The following ADGRV1 variants were observed in gnomAD, a reference collection of about 807,000 sequenced individuals.
ADGRV1 encodes the protein G-protein coupled receptor 98.
A neutral mutation model predicts 596.2 loss-of-function variants in ADGRV1; 359 were observed. The ratio of observed to expected loss-of-function variants is 0.60; its 90% CI spans 0.55 to 0.66. The LOEUF is 0.66. Ranked by LOEUF, ADGRV1 falls within the 30% of genes least tolerant of loss-of-function variation. ADGRV1 has a pLI of 0.00. For missense variants in ADGRV1, 7,274 were observed against 7,575.6 expected (o/e 0.96, Z 1.48); for synonymous variants, 2,681 against 2,679.2 (o/e 1.00, Z -0.02).
At chr5:91,045,849 A>C (rs1198202506) in intron 85 of ADGRV1, among the ~76,000 whole-genome samples, 2 of 152,202 alleles carry the variant, frequency 1.3e-5, no homozygotes, top group African/African-American at 4.8e-5. Flanking sequence ...ATTAATGTAC[A>C]CAAATCAGTA....
chr5:90,856,720 C>G (rs1403816444), intron 82 of ADGRV1, among the ~76,000 whole-genome samples: 2 of 152,092 alleles, frequency 1.3e-5, no homozygotes, highest in Non-Finnish European at 1.5e-5. Flanking sequence ...GGTTCAAATC[C>G]TAATTATGCT....
chr5:90,970,286 C>G (rs1265319135), intron 84 of ADGRV1, among the ~76,000 whole-genome samples: 1 of 152,188 alleles, frequency 6.6e-6, no homozygotes, highest in Non-Finnish European at 1.5e-5. Context: ...TCTGCAGACT[C>G]CACCTCTGGG....
chr5:90,684,548 A>G (rs6880239), intron 28 of ADGRV1, among the ~76,000 whole-genome samples: 48,013 of 151,950 alleles, frequency 0.32, 8,103 homozygotes, highest in Admixed American at 0.47. Context: ...TAGAAACAAC[A>G]GACATTTTTC....
At chr5:90,631,543 A>G (rs1014204208) in intron 9 of ADGRV1, among the ~76,000 whole-genome samples, 1 of 152,054 alleles carries the variant, frequency 6.6e-6, no homozygotes, top group African/African-American at 2.4e-5. Context: ...CTTCATCTTT[A>G]TTATTATTAA....
At chr5:91,035,190 CT>C (rs1184384597) in intron 85 of ADGRV1, among the ~76,000 whole-genome samples, 1 of 152,096 alleles carries the variant, frequency 6.6e-6, no homozygotes, top group Admixed American at 6.6e-5. Context: ...GCCATCAACC[CT>C]TTTTTATGTC....
At chr5:90,666,158 C>G (rs1187628239) in intron 21 of ADGRV1, among the ~76,000 whole-genome samples, 1 of 150,372 alleles carries the variant, frequency 6.7e-6, no homozygotes, top group Non-Finnish European at 1.5e-5. Context: ...AGTTCAATTC[C>G]TGGGTATCCT....
In ADGRV1 at chr5:90,790,900, G is replaced by A. The variant is rs2150133648; in HGVS notation, c.14071G>A (p.Asp4691Asn). 1 of 1,610,782 alleles carries A rather than the reference G, an allele frequency of 6.2e-7. No individual in the cohort carries two copies. Among genetic ancestry groups the A allele is most frequent in the Non-Finnish European group, 8.5e-7 (1 of 1,179,072 alleles). The change falls in exon 70 of 90, where the codon GAC (aspartate) becomes AAC (asparagine). Residue 4691 changes from aspartate to asparagine, a missense_variant. Asp to Asn is a conservative substitution (Grantham distance 23). Around this residue, in one of 5 missense-constraint regions of ADGRV1, gnomAD observed 1,874 missense variants for 1,970.2 expected, o/e 0.95. Transcript: ENST00000405460. ...MVYWELSSEF[D>N]ITEDFLSTSG... ...TTACTGGGAATTAAGTAGTGAGTTT[G>A]ACATTACTGAAGACTTTCTTTCCAC...
intron 50 of ADGRV1, among the ~76,000 whole-genome samples, chr5:90,730,810 C>T (rs1752451294): frequency 6.6e-6 from 1 of 152,160 alleles, no homozygotes; most frequent in South Asian, 2.1e-4. Flanking sequence ...GTCATCATGT[C>T]TCCTGTTGAG....
At chr5:91,006,929 C>T (rs1178020801) in intron 85 of ADGRV1, among the ~76,000 whole-genome samples, 1 of 152,060 alleles carries the variant, frequency 6.6e-6, no homozygotes. Context: ...TGGGTGATTG[C>T]CAACAATGAC....
chr5:90,843,349 C>T (rs1765595275), intron 78 of ADGRV1, among the ~76,000 whole-genome samples: 1 of 152,044 alleles, frequency 6.6e-6, no homozygotes, highest in Non-Finnish European at 1.5e-5. Flanking sequence ...ACAAAAAGTT[C>T]AAAAACTGAA....
chr5:90,773,888 A>G (rs1757944513), intron 59 of ADGRV1, among the ~76,000 whole-genome samples: 1 of 152,156 alleles, frequency 6.6e-6, no homozygotes, highest in African/African-American at 2.4e-5. Flanking sequence ...TTGTCTGTTT[A>G]CATCATTGTG....
At chr5:91,020,917 A>G (rs1392428968) in intron 85 of ADGRV1, among the ~76,000 whole-genome samples, 2 of 152,088 alleles carry the variant, frequency 1.3e-5, no homozygotes, top group Admixed American at 1.3e-4. Context: ...CAAATAAAAG[A>G]AGTATTTTCG....
intron 76 of ADGRV1, among the ~76,000 whole-genome samples, chr5:90,827,642 T>C (rs955370906): frequency 4.6e-5 from 7 of 152,224 alleles, no homozygotes; most frequent in African/African-American, 1.4e-4. Flanking sequence ...ACTTTGATAG[T>C]GCTTTAGTTT....
intron 61 of ADGRV1, 49 bp from the exon 62 acceptor site, chr5:90,777,856 A>G: frequency 6.8e-7 from 1 of 1,475,064 alleles, no homozygotes; most frequent in Middle Eastern, 1.8e-4. Context: ...GTTTAAGAAA[A>G]GTACCTTCAA....
Position 90,643,955 on chromosome 5 carries a change from T to G in ADGRV1, c.2706T>G (p.Asn902Lys). The G allele has an allele frequency of 6.2e-7, 1 of 1,610,208 alleles. No homozygotes were observed. The highest frequency in any genetic ancestry group is 8.5e-7 in the Non-Finnish European group (1 of 1,177,108). ...CTGATGGTCTAATTGTGATGATAAA[T>G]GAAAGCAAAGGAGATGCTATCTATA... ...FVSDGLIVMINESKGDAIYSA... is the reference protein window; with the variant it reads ...FVSDGLIVMIKESKGDAIYSA... The change falls in exon 14 of 90, where the codon AAT (asparagine) becomes AAG (lysine). Residue 902 changes from asparagine to lysine, a missense_variant. By Grantham distance (94) the Asn-to-Lys change is moderately conservative. This residue lies in a region of ADGRV1 where 1,715 missense variants were observed against 1,708.8 expected (regional missense o/e 1.00). Coordinates refer to ENST00000405460, the MANE Select transcript of ADGRV1 (RefSeq NM_032119.4).
At position 90,724,909 on chromosome 5, in the gene ADGRV1, G is replaced by A. The variant is rs267600728; in HGVS notation, c.9826G>A (p.Glu3276Lys). Residue 3276 changes from glutamate to lysine, a missense_variant, in exon 46 of 90, where the codon GAA (glutamate) becomes AAA (lysine). This residue lies in a region of ADGRV1 where 3,643 missense variants were observed against 3,809.2 expected (regional missense o/e 0.96). Coordinates refer to ENST00000405460, the MANE Select transcript of ADGRV1 (RefSeq NM_032119.4). ...SASGWCFFTL[E>K]NLIYGIMLRK... Reference sequence around the variant, plus strand: ...TTCTGGCTGGTGTTTCTTTACTTTGGAAAATTTAATATATGGTATAATGTT... The same window carrying A: ...TTCTGGCTGGTGTTTCTTTACTTTGAAAAATTTAATATATGGTATAATGTT... The A allele has an allele frequency of 6.2e-7, 1 of 1,611,890 alleles. No individual in the cohort carries two copies. The highest frequency in any genetic ancestry group is 8.5e-7 in the Non-Finnish European group (1 of 1,178,386).
chr5:91,153,552 A>T (rs1796233488), intron 89 of ADGRV1, among the ~76,000 whole-genome samples, 154 bp downstream of exon 89: 1 of 152,180 alleles, frequency 6.6e-6, no homozygotes, highest in Admixed American at 6.5e-5. Flanking sequence ...ACTCTAGGAT[A>T]TTTTGTTCTT....
intron 50 of ADGRV1, among the ~76,000 whole-genome samples, chr5:90,743,170 G>T (rs1252866824): frequency 6.6e-6 from 1 of 152,106 alleles, no homozygotes; most frequent in African/African-American, 2.4e-5. Context: ...AGATGCCCCT[G>T]AATTAATTTT....
chr5:91,016,173 A>G (rs1029101306), intron 85 of ADGRV1, among the ~76,000 whole-genome samples: 1 of 151,964 alleles, frequency 6.6e-6, no homozygotes, highest in Admixed American at 6.6e-5. Context: ...TATTTTTTAA[A>G]TTATTAATCA....
Sources: gnomAD v4.1 joint callset for allele counts (sites outside exome capture counted in the v4.1 genomes callset) on GRCh38, gnomAD v4.1.1 for gene constraint, gnomAD v4.1.1 regional missense constraint, MANE v1.5 for transcripts, NCBI Gene and HGNC (gene_info 2026-07-23, HGNC 2026-07-21) for gene names.